Variants in COL27A1 observed in about 807,000 individuals in gnomAD.
The protein encoded by COL27A1 is collagen alpha-1(XXVII) chain.
A neutral mutation model predicts 251.3 loss-of-function variants in COL27A1; 106 were observed. The observed-to-expected ratio is 0.42, with a 90% confidence interval of 0.36 to 0.50. The LOEUF (loss-of-function observed/expected upper bound fraction) is 0.50, where lower values mean the gene tolerates loss of function less well. Among genes scored for constraint, COL27A1 ranks in the 20% least tolerant of loss-of-function variants. The pLI is 0.00. For missense variants in COL27A1, 2,325 were observed against 2,522.8 expected (o/e 0.92, Z 1.68); for synonymous variants, 1,000 against 986.3 (o/e 1.01, Z -0.26).
At chr9:114,166,556 T>C (rs983357715) in intron 2 of COL27A1, among the ~76,000 whole-genome samples, 1 of 152,104 alleles carries the variant, frequency 6.6e-6, no homozygotes, top group Admixed American at 6.5e-5. Context: ...CAGGGGGTGA[T>C]AGGGAGAGAG....
At chr9:114,267,733 A>G (rs1834844887) in intron 34 of COL27A1, among the ~76,000 whole-genome samples, 176 bp downstream of exon 34, 1 of 151,996 alleles carries the variant, frequency 6.6e-6, no homozygotes, top group Non-Finnish European at 1.5e-5. Context: ...TGGAGCCCCC[A>G]CCAGTGCCCT....
intron 3 of COL27A1, among the ~76,000 whole-genome samples, chr9:114,172,957 T>G (rs796108262): frequency 4.6e-5 from 7 of 152,252 alleles, no homozygotes; most frequent in African/African-American, 1.7e-4. Flanking sequence ...TTTCAGTGTT[T>G]GAGAAAGGTG....
At chr9:114,169,868 A>T (rs1253831648) in intron 3 of COL27A1, among the ~76,000 whole-genome samples, 2 of 152,270 alleles carry the variant, frequency 1.3e-5, no homozygotes, top group Non-Finnish European at 2.9e-5. Flanking sequence ...CTCATGGAGC[A>T]GGGGTCCTTC....
At chr9:114,253,499 G>T (rs1003295165) in intron 27 of COL27A1, among the ~76,000 whole-genome samples, 1 of 151,114 alleles carries the variant, frequency 6.6e-6, no homozygotes, top group Admixed American at 6.6e-5. Context: ...AAGGAATGAA[G>T]GAAGGAAGGA....
intron 12 of COL27A1, among the ~76,000 whole-genome samples, chr9:114,215,241 T>G (rs902512650): frequency 5.9e-5 from 9 of 152,258 alleles, no homozygotes; most frequent in East Asian, 1.9e-4. Context: ...CACAGTGCAT[T>G]TGGGCTTCAA....
At chr9:114,303,206 C>A (rs574999603) in intron 56 of COL27A1, among the ~76,000 whole-genome samples, 2 of 151,708 alleles carry the variant, frequency 1.3e-5, no homozygotes, top group South Asian at 4.2e-4. Context: ...TGCCAGACAC[C>A]ATTACAGGTG....
intron 34 of COL27A1, 29 bp from the exon 35 acceptor site, chr9:114,269,212 C>T (rs199894669): frequency 2.4e-5 from 38 of 1,562,868 alleles, no homozygotes; most frequent in South Asian, 9.4e-5. Context: ...CCTACCCACC[C>T]GCAAGGACTT....
At chr9:114,183,114 T>A in intron 5 of COL27A1, 39 bp downstream of exon 5, 1 of 1,589,046 alleles carries the variant, frequency 6.3e-7, no homozygotes, top group South Asian at 1.1e-5. Flanking sequence ...GAGTGGGTGC[T>A]GGGGTTGGAG....
At chr9:114,299,102 G>A (rs1828441399) in intron 49 of COL27A1, among the ~76,000 whole-genome samples, 1 of 152,042 alleles carries the variant, frequency 6.6e-6, no homozygotes, top group Non-Finnish European at 1.5e-5. Context: ...GTAGAATTTA[G>A]ATTAAATGGG....
chr9:114,287,540 C>G (rs545747219), intron 41 of COL27A1, among the ~76,000 whole-genome samples: 47 of 152,272 alleles, frequency 3.1e-4, no homozygotes, highest in Admixed American at 2.9e-3. Context: ...GTCTATATGA[C>G]ACAGTCTCAC....
In COL27A1 at chr9:114,270,800, CA is replaced by C; in HGVS notation, c.3609+20del. ...GCTGAAGGTAAGTGCCCTTTTAGGG[CA>C]GGGCCTGGGGACCCCGGCAGGGCAT... is the stretch of plus-strand genomic sequence containing the variant. On this transcript the variant is annotated intron_variant, in intron 36 of 60. Transcript: ENST00000356083. 1 of 1,605,654 alleles carries C rather than the reference CA, an allele frequency of 6.2e-7. No homozygotes were observed.
upstream of COL27A1, among the ~76,000 whole-genome samples, chr9:114,155,178 C>G (rs971401167): frequency 6.6e-6 from 1 of 152,058 alleles, no homozygotes; most frequent in African/African-American, 2.4e-5. This position sits in a 1 kb window ranked among gnomAD's most constrained non-coding sequence, Gnocchi z 5.5. Context: ...TAGCTCCGTC[C>G]CTGAAACTGT....
chr9:114,218,156 T>C (rs184273865), intron 12 of COL27A1: 126 of 225,570 alleles, frequency 5.6e-4, no homozygotes, highest in South Asian at 2.5e-3. Context: ...GGCTGATTCT[T>C]GTCCCAGGAG....
intron 9 of COL27A1, 140 bp downstream of exon 9, chr9:114,205,952 G>A: frequency 1.3e-6 from 1 of 758,744 alleles, no homozygotes; most frequent in Non-Finnish European, 2.1e-6. Flanking sequence ...GGGCTTTCCA[G>A]GGGACTGGAC....
chr9:114,307,883 C>A, intron 59 of COL27A1, 105 bp downstream of exon 59: 1 of 730,532 alleles, frequency 1.4e-6, no homozygotes, highest in Non-Finnish European at 2.3e-6. Flanking sequence ...GCCTGTCTTA[C>A]TGCATGCCCT....
chr9:114,302,063 C>T lies in COL27A1; in HGVS notation c.4846-19C>T, dbSNP rs1161815941. ...ACACTGTCCCTGTCATTTGACTGAC[C>T]CGCAGTCTTCTTTTGCAGGGTCCTC... is the stretch of plus-strand genomic sequence containing the variant. On this transcript the variant is annotated intron_variant, in intron 55 of 60. Transcript: ENST00000356083. The T allele has an allele frequency of 6.2e-7, 1 of 1,609,840 alleles. No homozygotes were observed. The highest frequency in any genetic ancestry group is 8.5e-7 in the Non-Finnish European group (1 of 1,176,344).
At chr9:114,199,861 G>A (rs971546947) in intron 7 of COL27A1, among the ~76,000 whole-genome samples, 3 of 152,106 alleles carry the variant, frequency 2.0e-5, no homozygotes, top group Non-Finnish European at 2.9e-5. Flanking sequence ...GATCTTTCTG[G>A]CCAAGTCCTG....
intron 10 of COL27A1, chr9:114,209,441 C>G: frequency 1.3e-6 from 1 of 766,454 alleles, no homozygotes; most frequent in Non-Finnish European, 2.4e-6. Flanking sequence ...CCTTCCCTGG[C>G]GTGAGGGTAT....
intron 4 of COL27A1, among the ~76,000 whole-genome samples, chr9:114,180,844 A>C (rs889231110): frequency 2.6e-5 from 4 of 152,144 alleles, no homozygotes; most frequent in African/African-American, 9.7e-5. Flanking sequence ...ACGGGGGGGC[A>C]GGGAAACAGG....
Sources: gnomAD v4.1 joint callset for allele counts (sites outside exome capture counted in the v4.1 genomes callset) on GRCh38, gnomAD v4.1.1 for gene constraint, Gnocchi (gnomAD v3.1) non-coding constraint, MANE v1.5 for transcripts, NCBI Gene and HGNC (gene_info 2026-07-23, HGNC 2026-07-21) for gene names.